ROBO1: variants seen among roughly 807,000 people sequenced by gnomAD.
ROBO1 encodes the protein roundabout guidance receptor 1.
A neutral mutation model predicts 195.9 loss-of-function variants in ROBO1; 149 were observed. That is an observed-to-expected ratio of 0.76 (90% CI 0.67 to 0.87). The LOEUF (loss-of-function observed/expected upper bound fraction) is 0.87. ROBO1 is among the 40% of genes least tolerant of loss of function. The pLI is 0.00. For missense variants in ROBO1, 1,933 were observed against 2,068.3 expected, an observed-to-expected ratio of 0.93 and a Z score of 1.27; for synonymous variants, 816 against 733.2, an observed-to-expected ratio of 1.11 and a Z score of -1.82.
chr3:79,579,568 G>A (rs775987125), intron 2 of ROBO1, among the ~76,000 whole-genome samples: 19 of 152,142 alleles, frequency 1.2e-4, no homozygotes, highest in Admixed American at 2.0e-4. Context: ...TTACATGGAA[G>A]TATCCTTAAC....
In ROBO1 at chr3:79,202,360, T is replaced by C. The variant is rs532731873; in HGVS notation, c.89-76821A>G. 4.4e-4 allele frequency among the ~76,000 whole-genome samples: 67 copies of C among 152,164 alleles called. 1 individual carries two copies. Among genetic ancestry groups the C allele is most frequent in the African/African-American group, 1.6e-3 (65 of 41,524 alleles). Reference sequence around the variant, plus strand: ...TTTTACACATGAAGCCTAAAAATCATCTAATGGAATCTAACAGAATCTACA... The same window carrying C: ...TTTTACACATGAAGCCTAAAAATCACCTAATGGAATCTAACAGAATCTACA... On this transcript the variant is annotated intron_variant, in intron 2 of 30. Transcript: ENST00000464233.
intron 20 of ROBO1, among the ~76,000 whole-genome samples, chr3:78,647,186 C>A (rs1706353131): frequency 6.6e-6 from 1 of 152,010 alleles, no homozygotes; most frequent in Non-Finnish European, 1.5e-5. Flanking sequence ...AAAGTTCTAT[C>A]TTTCACATGT....
chr3:78,799,507 A>AATTTTTTGT (rs2084295175), intron 4 of ROBO1, among the ~76,000 whole-genome samples: 1 of 151,636 alleles, frequency 6.6e-6, no homozygotes, highest in South Asian at 2.1e-4. Context: ...ATGCCCGGCT[A>AATTTTTTGT]ATTTTTTGTA....
intron 4 of ROBO1, among the ~76,000 whole-genome samples, chr3:78,786,372 A>C (rs960502984): frequency 6.6e-6 from 1 of 152,142 alleles, no homozygotes; most frequent in African/African-American, 2.4e-5. Flanking sequence ...ATTTCTTGAC[A>C]CTCTTTTAAA....
chr3:79,690,919 TAAAAAA>T (rs1301726895), intron 1 of ROBO1, among the ~76,000 whole-genome samples: 3 of 151,846 alleles, frequency 2.0e-5, no homozygotes, highest in Non-Finnish European at 4.4e-5. Context: ...TAGTAACTCT[TAAAAAA>T]ATAGCTACTA....
chr3:79,145,142 T>C (rs1035877577), intron 2 of ROBO1, among the ~76,000 whole-genome samples: 1 of 151,934 alleles, frequency 6.6e-6, no homozygotes, highest in South Asian at 2.1e-4. Context: ...GTTGTTGATA[T>C]CCTCCAAAAA....
chr3:79,382,407 AT>A (rs2036605499), intron 2 of ROBO1, among the ~76,000 whole-genome samples: 2 of 152,180 alleles, frequency 1.3e-5, no homozygotes, highest in Admixed American at 1.3e-4. Flanking sequence ...GTAGGGAAGC[AT>A]TTGGAATATA....
intron 2 of ROBO1, among the ~76,000 whole-genome samples, chr3:79,235,694 A>G (rs1430960983): frequency 3.9e-5 from 6 of 151,946 alleles, no homozygotes; most frequent in East Asian, 3.9e-4. Context: ...TTTCCCACCA[A>G]TCATCTCAAT....
chr3:79,728,669 T>C (rs1311407333), intron 1 of ROBO1, among the ~76,000 whole-genome samples: 2 of 152,180 alleles, frequency 1.3e-5, no homozygotes, highest in Non-Finnish European at 2.9e-5. Context: ...AATTTCCATG[T>C]ATTTGATGTA....
chr3:79,435,308 G>T (rs946031059), intron 2 of ROBO1, among the ~76,000 whole-genome samples: 2 of 152,094 alleles, frequency 1.3e-5, no homozygotes, highest in African/African-American at 4.8e-5. Context: ...CTGGTCTTGC[G>T]CTACTGGCTT....
chr3:78,677,479 A>T (rs1196369221), intron 10 of ROBO1, among the ~76,000 whole-genome samples: 1 of 152,136 alleles, frequency 6.6e-6, no homozygotes, highest in Non-Finnish European at 1.5e-5. Flanking sequence ...ATGGAGGAAG[A>T]TCTACCAAGC....
At position 79,517,043 on chromosome 3, in the gene ROBO1, C is replaced by T. The variant is rs1307417431; in HGVS notation, c.88+72781G>A. On this transcript the variant is annotated intron_variant, in intron 2 of 30. Coordinates refer to ENST00000464233, the MANE Select transcript of ROBO1 (RefSeq NM_002941.4). ...ACTGCATCATAGTGTATTACCCTCT[C>T]TTTTTACCATACCATAAGACTCTTT... Among the ~76,000 whole-genome samples the T allele has an allele frequency of 1.1e-4, 16 of 152,294 alleles. No individual in the cohort carries two copies. The East Asian group carries it at 3.1e-3, about 29-fold the overall frequency.
At chr3:79,705,619 C>T (rs968183661) in intron 1 of ROBO1, among the ~76,000 whole-genome samples, 1 of 152,058 alleles carries the variant, frequency 6.6e-6, no homozygotes, top group African/African-American at 2.4e-5. Context: ...TAGCGTCAAT[C>T]CCCCAACTAT....
intron 2 of ROBO1, among the ~76,000 whole-genome samples, chr3:79,126,195 C>T (rs2080212582): frequency 6.6e-6 from 1 of 152,142 alleles, no homozygotes; most frequent in Non-Finnish European, 1.5e-5. Context: ...ACACATCTAA[C>T]TTTGGATATT....
intron 1 of ROBO1, among the ~76,000 whole-genome samples, chr3:79,603,546 G>T (rs1252833205): frequency 6.6e-6 from 1 of 151,924 alleles, no homozygotes; most frequent in Non-Finnish European, 1.5e-5. Context: ...CGAGTGTTGG[G>T]TGTCACATGT....
chr3:79,067,432 G>C (rs1004486184), intron 3 of ROBO1, among the ~76,000 whole-genome samples: 1 of 151,906 alleles, frequency 6.6e-6, no homozygotes, highest in Non-Finnish European at 1.5e-5. Context: ...CATAATTATT[G>C]CATAGGCTAG....
intron 4 of ROBO1, among the ~76,000 whole-genome samples, chr3:78,856,594 CT>C (rs2034454099): frequency 6.6e-6 from 1 of 151,346 alleles, no homozygotes; most frequent in South Asian, 2.1e-4. Context: ...TCTATATCTA[CT>C]TATGTGCCCT....
intron 3 of ROBO1, among the ~76,000 whole-genome samples, chr3:78,948,133 A>C (rs1375563991): frequency 2.0e-5 from 3 of 152,158 alleles, no homozygotes; most frequent in African/African-American, 7.2e-5. Context: ...AAACTATTCC[A>C]ATCAATAGAA....
chr3:78,972,923 C>T (rs1334768073), intron 3 of ROBO1, among the ~76,000 whole-genome samples: 1 of 152,096 alleles, frequency 6.6e-6, no homozygotes, highest in African/African-American at 2.4e-5. Context: ...TGTGAGATGC[C>T]AAGCATCATG....
Sources: gnomAD v4.1 joint callset for allele counts (sites outside exome capture counted in the v4.1 genomes callset) on GRCh38, gnomAD v4.1.1 for gene constraint, MANE v1.5 for transcripts, NCBI Gene and HGNC (gene_info 2026-07-23, HGNC 2026-07-21) for gene names.